The following WFDC1 variants were observed in gnomAD, a reference collection of about 807,000 sequenced individuals.
WFDC1 encodes the protein WAP four-disulfide core domain protein 1.
Under a neutral mutation model 32.9 loss-of-function variants are expected in WFDC1, and 39 were observed. The observed-to-expected ratio is 1.19, with a 90% CI of 0.92 to 1.55. The LOEUF is 1.55. Among genes scored for constraint, WFDC1 ranks in the 40% most tolerant of loss-of-function variants. WFDC1 has a pLI of 0.00. For synonymous variants in WFDC1, 184 were observed against 137.4 expected, an observed-to-expected ratio of 1.34 and a Z score of -2.37; for missense variants, 386 against 309.5, an observed-to-expected ratio of 1.25 and a Z score of -1.85.
intron 2 of WFDC1, chr16:84,317,529 G>A (rs2151377529): frequency 6.6e-6 from 1 of 152,064 alleles, no homozygotes; most frequent in South Asian, 2.1e-4. Flanking sequence ...TTCGACCCCT[G>A]CCTTTTGAAG....
At chr16:84,314,504 G>C (rs1907837092) in intron 2 of WFDC1, among the ~76,000 whole-genome samples, 1 of 152,136 alleles carries the variant, frequency 6.6e-6, no homozygotes, top group African/African-American at 2.4e-5. Flanking sequence ...AGGTGGCCCA[G>C]CCCCTCCTCC....
chr16:84,310,724 C>T (rs1036379643), intron 1 of WFDC1, among the ~76,000 whole-genome samples: 3 of 152,166 alleles, frequency 2.0e-5, no homozygotes, highest in South Asian at 2.1e-4. Flanking sequence ...AGAGCCTACA[C>T]GCTGTTCCGA....
intron 1 of WFDC1, among the ~76,000 whole-genome samples, chr16:84,307,917 G>A (rs1478546310): frequency 6.6e-6 from 1 of 152,136 alleles, no homozygotes; most frequent in East Asian, 1.9e-4. Flanking sequence ...GGGAGATTGG[G>A]CGGAGAAAGG....
At chr16:84,314,942 C>T (rs190330556) in intron 2 of WFDC1, among the ~76,000 whole-genome samples, 3 of 152,368 alleles carry the variant, frequency 2.0e-5, no homozygotes, top group Admixed American at 2.0e-4. Flanking sequence ...TACATCATCT[C>T]GTTTCACGCT....
Position 84,325,206 on chromosome 16 carries a change from CTT to C in WFDC1, c.604+759_604+760del, listed in dbSNP as rs112261493. The stretch of plus-strand genomic sequence containing the variant: ...CTTATCCATCTATCCACCCATCTAC[CTT>C]TTTTTTTTTTTTGAGATGGAGTCTC... On this transcript the variant is annotated intron_variant, in intron 5 of 6. Transcript: ENST00000219454. 2.4e-3 allele frequency among the ~76,000 whole-genome samples: 330 copies of C among 136,380 alleles called. 1 individual carries two copies. Among genetic ancestry groups the C allele is most frequent in the African/African-American group, 3.2e-3 (121 of 37,500 alleles). 89.5% of individuals were successfully genotyped at this position (136,380 alleles called of 152,430 possible). A position where few individuals can be genotyped will look rare whatever the true frequency, so the allele number is the denominator to read the frequency against.
chr16:84,319,458 G>A lies in WFDC1; in HGVS notation c.449G>A (p.Gly150Glu), dbSNP rs1250260462. 1.2e-6 allele frequency: 2 copies of A among 1,611,602 alleles called. No homozygotes were observed. Among genetic ancestry groups the A allele is most frequent in the Non-Finnish European group, 1.7e-6 (2 of 1,179,928 alleles). The change falls in exon 4 of 7, where the codon GGG becomes GAG. Residue 150 changes from glycine (G) to glutamate (E), a missense_variant. Gly to Glu is a moderately conservative substitution (Grantham distance 98, BLOSUM62 -2). Coordinates refer to ENST00000219454, the MANE Select transcript of WFDC1 (RefSeq NM_021197.4). ...QAEACSTTEDGAEPLLCPSGY... is the reference protein window; with the variant it reads ...QAEACSTTEDEAEPLLCPSGY... ...GAGGCGTGCAGCACCACGGAGGATG[G>A]GGCCGAACCCCTGCTCTGTCCCTCG... is the stretch of plus-strand genomic sequence containing the variant.
At chr16:84,299,929 A>C (rs1394356770) in intron 1 of WFDC1, among the ~76,000 whole-genome samples, 1 of 152,048 alleles carries the variant, frequency 6.6e-6, no homozygotes, top group Non-Finnish European at 1.5e-5. Flanking sequence ...ATCTGGAGGC[A>C]CCCCCTGTGC....
chr16:84,298,260 A>G (rs112441027), intron 1 of WFDC1, among the ~76,000 whole-genome samples: 48 of 152,110 alleles, frequency 3.2e-4, no homozygotes, highest in African/African-American at 1.0e-3. Flanking sequence ...GGCATGTACC[A>G]CCACGCCTGG....
Position 84,319,489 on chromosome 16 carries a change from T to A in WFDC1, c.480T>A (p.Tyr160Ter). ...AACCCCTGCTCTGTCCCTCGGGCTA[T>A]GAGTGCCACATCCTGAGCCCAGGTG... ...GAEPLLCPSG[Y>*]ECHILSPGDV... Residue 160 changes from tyrosine to a stop codon, truncating the protein, a stop_gained, in exon 4 of 7, where the codon TAT (tyrosine) becomes TAA (stop). Coordinates refer to ENST00000219454, the MANE Select transcript of WFDC1 (RefSeq NM_021197.4). LOFTEE classifies it high-confidence loss of function. 3.7e-6 allele frequency: 6 copies of A among 1,612,778 alleles called. No individual in the cohort carries two copies. Among genetic ancestry groups the A allele is most frequent in the Non-Finnish European group, 5.1e-6 (6 of 1,179,958 alleles).
intron 3 of WFDC1, 70 bp downstream of exon 3, chr16:84,318,425 G>T (rs1300603248): frequency 6.6e-7 from 1 of 1,508,788 alleles, no homozygotes; most frequent in African/African-American, 1.4e-5. Context: ...CTTCCAGAAA[G>T]CTGGCAGCAC....
intron 1 of WFDC1, among the ~76,000 whole-genome samples, chr16:84,306,049 A>T (rs900412046): frequency 6.6e-4 from 90 of 135,386 alleles, no homozygotes; most frequent in African/African-American, 2.2e-3. Flanking sequence ...ATAATAATAA[A>T]AGGAATAAAA....
chr16:84,298,695 C>T (rs552751718), intron 1 of WFDC1, among the ~76,000 whole-genome samples: 20 of 152,298 alleles, frequency 1.3e-4, no homozygotes, highest in African/African-American at 4.1e-4. Context: ...CCTCGTCCCC[C>T]GGCAGAGTGA....
At chr16:84,324,358 G>A in intron 4 of WFDC1, 61 bp from the exon 5 acceptor site, 1 of 1,477,332 alleles carries the variant, frequency 6.8e-7, no homozygotes, top group African/African-American at 1.4e-5. Context: ...GTGTTATTAT[G>A]ACAACAGTTT....
chr16:84,305,130 A>T (rs1282661797), intron 1 of WFDC1, among the ~76,000 whole-genome samples: 1 of 152,220 alleles, frequency 6.6e-6, no homozygotes, highest in East Asian at 1.9e-4. Flanking sequence ...GCAGCCCCAG[A>T]GGGTGATACT....
chr16:84,310,769 C>T (rs1463041994), intron 1 of WFDC1, among the ~76,000 whole-genome samples: 8 of 152,184 alleles, frequency 5.3e-5, no homozygotes, highest in African/African-American at 1.4e-4. Flanking sequence ...CATATCCTGG[C>T]GATCTTTCAT....
intron 2 of WFDC1, chr16:84,317,527 C>G (rs1313127196): frequency 1.3e-5 from 2 of 152,040 alleles, no homozygotes; most frequent in Non-Finnish European, 2.9e-5. Context: ...TTTTCGACCC[C>G]TGCCTTTTGA....
chr16:84,303,725 G>A lies in WFDC1; in HGVS notation c.144+8610G>A, dbSNP rs140072776. Among the ~76,000 whole-genome samples, 32 of 152,310 alleles carry A rather than the reference G, an allele frequency of 2.1e-4. No homozygotes were observed. The East Asian group carries it at 5.4e-3, about 26-fold the overall frequency. On this transcript the variant is annotated intron_variant, in intron 1 of 6. Coordinates refer to ENST00000219454, the MANE Select transcript of WFDC1 (RefSeq NM_021197.4). ...CCTTTCAAAGGTACAATTCAGTGGT[G>A]TTTAGTATACTCAGAGTCATGCAAC...
chr16:84,319,348 C>A, intron 3 of WFDC1, 83 bp from the exon 4 acceptor site: 1 of 1,549,156 alleles, frequency 6.5e-7, no homozygotes, highest in South Asian at 1.2e-5. Context: ...GCACCCGTCC[C>A]GGGAGTCTGC....
chr16:84,319,542 G>A lies in WFDC1; in HGVS notation c.533G>A (p.Gly178Glu). ...GDVAEGIPNR[G>E]QCVKQRRQAD... ...GTGGCCGAAGGTATCCCCAACCGTG[G>A]GCAGTGCGTCAAGCAGCGCCGGCAA... The change falls in exon 4 of 7, where the codon GGG (glycine) becomes GAG (glutamate). Residue 178 changes from glycine to glutamate, a missense_variant. By Grantham distance (98) the Gly-to-Glu change is moderately conservative. Transcript: ENST00000219454. 6.2e-7 allele frequency: 1 copy of A among 1,612,998 alleles called. No homozygotes were observed. The highest frequency in any genetic ancestry group is 1.7e-4 in the Middle Eastern group (1 of 6,058).
Sources: gnomAD v4.1 joint callset for allele counts (sites outside exome capture counted in the v4.1 genomes callset) on GRCh38, gnomAD v4.1.1 for gene constraint, MANE v1.5 for transcripts, NCBI Gene and HGNC (gene_info 2026-07-23, HGNC 2026-07-21) for gene names.